BANP: variants seen among roughly 807,000 people sequenced by gnomAD.
BANP encodes BTG3 associated nuclear protein.
Under a neutral mutation model 68.1 loss-of-function variants are expected in BANP, and 11 were observed. The ratio of observed to expected loss-of-function variants is 0.16; its 90% CI spans 0.10 to 0.27. BANP has a LOEUF of 0.27. Among genes scored for constraint, BANP ranks in the 10% least tolerant of loss-of-function variants. The pLI, the probability that BANP is intolerant of heterozygous loss-of-function variation, is 1.00. For synonymous variants in BANP, 329 were observed against 303.2 expected (o/e 1.09, Z -0.88); for missense variants, 504 against 722.7 (o/e 0.70, Z 3.47).
chr16:87,989,551 C>T (rs560009836), intron 4 of BANP, among the ~76,000 whole-genome samples: 8 of 151,784 alleles, frequency 5.3e-5, no homozygotes, highest in Admixed American at 1.3e-4. Context: ...GATGCAGGCC[C>T]GCGTGGCTGT....
intron 12 of BANP, 21 bp from the exon 13 acceptor site, chr16:88,072,048 C>A (rs375744686): frequency 5.7e-4 from 886 of 1,554,728 alleles, no homozygotes; most frequent in Non-Finnish European, 7.4e-4. Flanking sequence ...CGCTGACGGG[C>A]CCCCGTGTGT....
At chr16:88,013,758 C>T (rs991266387) in intron 6 of BANP, among the ~76,000 whole-genome samples, 1 of 152,238 alleles carries the variant, frequency 6.6e-6, no homozygotes, top group Non-Finnish European at 1.5e-5. Context: ...ACCCCACAGC[C>T]TCTGATTGGT....
chr16:88,024,128 T>C (rs1450097688), intron 7 of BANP, among the ~76,000 whole-genome samples: 9 of 152,152 alleles, frequency 5.9e-5, no homozygotes, highest in Non-Finnish European at 1.5e-5. Flanking sequence ...GCAGGTGCCT[T>C]GGGCTGAGGG....
chr16:88,073,873 G>C (rs530992314), intron 13 of BANP, among the ~76,000 whole-genome samples: 44 of 152,380 alleles, frequency 2.9e-4, no homozygotes, highest in Middle Eastern at 3.4e-3. Flanking sequence ...AGCTCTCTCT[G>C]TTACCATGCC....
In BANP at chr16:88,047,136, G is replaced by A. The variant is rs114545394; in HGVS notation, c.1311+9125G>A. 4.9e-3 allele frequency among the ~76,000 whole-genome samples: 748 copies of A among 152,280 alleles called. 7 individuals carry two copies. The highest frequency in any genetic ancestry group is 0.017 in the African/African-American group (709 of 41,566). On this transcript the variant is annotated intron_variant, in intron 11 of 13. Coordinates refer to ENST00000682872, the MANE Select transcript of BANP (RefSeq NM_001386991.1). ...ATCTTAGGGAGCCATGAACTCGTGC[G>A]GTCCTGGGTGGGAGGTGGCATTGTT...
intron 4 of BANP, among the ~76,000 whole-genome samples, chr16:87,991,658 T>A (rs2065922375): frequency 6.6e-6 from 1 of 152,248 alleles, no homozygotes; most frequent in South Asian, 2.1e-4. Context: ...GATGCTATCA[T>A]AAATGGTATT....
At chr16:87,971,244 G>T (rs1162829660) in intron 1 of BANP, among the ~76,000 whole-genome samples, 1 of 109,404 alleles carries the variant, frequency 9.1e-6, no homozygotes, top group African/African-American at 3.0e-5. Flanking sequence ...TTGTGTCTGC[G>T]TTTAGCACAT....
At chr16:87,988,560 C>T (rs750851890) in intron 4 of BANP, among the ~76,000 whole-genome samples, 2 of 152,102 alleles carry the variant, frequency 1.3e-5, no homozygotes, top group Non-Finnish European at 2.9e-5. Context: ...CCACCGCCCC[C>T]GGCCGGGACT....
At chr16:87,951,763 C>T (rs1251972370) in intron 1 of BANP, among the ~76,000 whole-genome samples, 4 of 151,772 alleles carry the variant, frequency 2.6e-5, no homozygotes, top group East Asian at 1.9e-4. Context: ...CGCCCGGCGT[C>T]CGTTGAGCCG....
intron 1 of BANP, among the ~76,000 whole-genome samples, chr16:87,964,653 C>T (rs947610794): frequency 1.3e-5 from 2 of 152,196 alleles, no homozygotes; most frequent in Non-Finnish European, 2.9e-5. Flanking sequence ...TTTTATGTGA[C>T]GCCTTGAGCG....
intron 1 of BANP, among the ~76,000 whole-genome samples, chr16:87,959,517 C>G (rs2058713757): frequency 6.6e-6 from 1 of 152,206 alleles, no homozygotes; most frequent in Non-Finnish European, 1.5e-5. Flanking sequence ...AGGGAGGCGG[C>G]TGACCAGGCT....
In BANP at chr16:88,037,979, C is replaced by A; in HGVS notation, c.1279C>A (p.Leu427Ile). 1 of 1,613,912 alleles carries A rather than the reference C, an allele frequency of 6.2e-7. No homozygotes were observed. Among genetic ancestry groups the A allele is most frequent in the Non-Finnish European group, 8.5e-7 (1 of 1,179,826 alleles). Residue 427 changes from leucine (L) to isoleucine (I), a missense_variant, in exon 11 of 14, where the codon CTC becomes ATC. This residue lies in a region of BANP where 223 missense variants were observed against 246.2 expected (regional missense o/e 0.91). Transcript: ENST00000682872. The part of the protein sequence containing the change: ...VQITQDSEGN[L>I]QIHHVGQDGQ... Reference sequence around the variant, plus strand: ...CTCCTCTCGTTCTTTGTAGGGCAACCTCCAGATCCATCACGTGGGGCAGGA... The same window carrying A: ...CTCCTCTCGTTCTTTGTAGGGCAACATCCAGATCCATCACGTGGGGCAGGA...
intron 11 of BANP, among the ~76,000 whole-genome samples, chr16:88,063,634 A>C (rs1214001801): frequency 6.6e-6 from 1 of 152,142 alleles, no homozygotes; most frequent in African/African-American, 2.4e-5. Context: ...ATCCGATCAC[A>C]GCTGTTCTTA....
Position 88,018,818 on chromosome 16 carries a change from G to C in BANP, c.895+151G>C, listed in dbSNP as rs2152666786. 3 of 1,077,686 alleles carry C rather than the reference G, an allele frequency of 2.8e-6. No homozygotes were observed. The highest frequency in any genetic ancestry group is 1.6e-5 in the South Asian group (1 of 60,718). The allele number at this position is 1,077,686 out of a possible 1,614,324, so 66.8% of individuals were successfully genotyped here. A position where few individuals can be genotyped will look rare whatever the true frequency, so the allele number is the denominator to read the frequency against. ...AATCTCAGCCCGAGGATCAGTGCTC[G>C]AGGGGATGGATGAGCTGTTGACCCT... On this transcript the variant is annotated intron_variant, in intron 7 of 13. Transcript: ENST00000682872. This position sits in a 1 kb window ranked among gnomAD's most constrained non-coding sequence, Gnocchi z 7.7.
chr16:88,037,979 C>G lies in BANP; in HGVS notation c.1279C>G (p.Leu427Val). ...VQITQDSEGN[L>V]QIHHVGQDGQ... ...CTCCTCTCGTTCTTTGTAGGGCAACCTCCAGATCCATCACGTGGGGCAGGA... is the reference window on the plus strand; with the variant it reads ...CTCCTCTCGTTCTTTGTAGGGCAACGTCCAGATCCATCACGTGGGGCAGGA... The change falls in exon 11 of 14, where the codon CTC becomes GTC. Residue 427 changes from leucine to valine, a missense_variant. Coordinates refer to ENST00000682872, the MANE Select transcript of BANP (RefSeq NM_001386991.1). 1 of 1,613,912 alleles carries G rather than the reference C, an allele frequency of 6.2e-7. No individual in the cohort carries two copies. Among genetic ancestry groups the G allele is most frequent in the Non-Finnish European group, 8.5e-7 (1 of 1,179,826 alleles).
chr16:87,977,790 C>A (rs1303816627), intron 2 of BANP, among the ~76,000 whole-genome samples: 1 of 152,142 alleles, frequency 6.6e-6, no homozygotes, highest in Non-Finnish European at 1.5e-5. Flanking sequence ...TGTCTGAATG[C>A]AAAAATTGTG....
chr16:88,075,036 C>G (rs1024615754), intron 13 of BANP, among the ~76,000 whole-genome samples: 28 of 152,102 alleles, frequency 1.8e-4, no homozygotes, highest in Non-Finnish European at 3.1e-4. Flanking sequence ...AGACCCCCAT[C>G]TCTACAAAAC....
chr16:88,067,978 C>T lies in BANP; in HGVS notation c.1377+2646C>T, dbSNP rs529708644. 5.2e-5 allele frequency among the ~76,000 whole-genome samples: 8 copies of T among 152,390 alleles called. No homozygotes were observed. The South Asian group carries it at 1.0e-3, about 20-fold the overall frequency. On this transcript the variant is annotated intron_variant, in intron 12 of 13. Coordinates refer to ENST00000682872, the MANE Select transcript of BANP (RefSeq NM_001386991.1). ...CGTCCCCAACAGACCCGCCCTCCCC[C>T]CACTGTCTGCCTCCTTGTGTCGTCA...
chr16:88,072,114 G>A lies in BANP; in HGVS notation c.1423G>A (p.Ala475Thr), dbSNP rs755889634. 4.8e-5 allele frequency: 77 copies of A among 1,605,358 alleles called. No homozygotes were observed. The Admixed American group carries it at 1.0e-3, about 21-fold the overall frequency. Residue 475 changes from alanine (A) to threonine (T), a missense_variant, in exon 13 of 14, where the codon GCG becomes ACG. This residue lies in a region of BANP where 223 missense variants were observed against 246.2 expected (regional missense o/e 0.91). Transcript: ENST00000682872. The part of the protein sequence containing the change: ...QLIAVASSDP[A>T]AAGVDGSPLQ... ...GATCGCCGTGGCCTCCTCGGACCCC[G>A]CGGCGGCGGGCGTGGATGGGTCGCC...
Sources: gnomAD v4.1 joint callset for allele counts (sites outside exome capture counted in the v4.1 genomes callset) on GRCh38, gnomAD v4.1.1 for gene constraint, gnomAD v4.1.1 regional missense constraint, Gnocchi (gnomAD v3.1) non-coding constraint, MANE v1.5 for transcripts, NCBI Gene and HGNC (gene_info 2026-07-23, HGNC 2026-07-21) for gene names.